Variants in SYT1 observed in about 807,000 individuals in gnomAD.
The protein encoded by SYT1 is synaptotagmin-1.
Under a neutral mutation model 44.8 loss-of-function variants are expected in SYT1, and 8 were observed. That is an observed-to-expected ratio of 0.18 (90% CI 0.10 to 0.32). The LOEUF is 0.32. Among genes scored for constraint, SYT1 ranks in the 10% least tolerant of loss-of-function variants. The pLI is 1.00. For missense variants in SYT1, 286 were observed against 509.3 expected (o/e 0.56, Z 4.22); for synonymous variants, 154 against 188.8 (o/e 0.82, Z 1.51).
At chr12:79,187,448 T>G (rs138410159) in intron 3 of SYT1, among the ~76,000 whole-genome samples, 186 of 152,192 alleles carry the variant, frequency 1.2e-3, no homozygotes, top group African/African-American at 4.3e-3. Flanking sequence ...TTTATGTCTA[T>G]CACTCAAATT....
intron 5 of SYT1, among the ~76,000 whole-genome samples, chr12:79,290,533 T>G (rs1045866310): frequency 2.6e-5 from 4 of 152,164 alleles, no homozygotes; most frequent in African/African-American, 9.7e-5. Flanking sequence ...TGGTTATACT[T>G]CTTGCATTTG....
chr12:78,932,154 T>G (rs568072784), intron 1 of SYT1, among the ~76,000 whole-genome samples: 3 of 152,356 alleles, frequency 2.0e-5, no homozygotes, highest in Admixed American at 6.5e-5. Context: ...ATTCTTCCCC[T>G]GAATCTGTAA....
intron 2 of SYT1, among the ~76,000 whole-genome samples, chr12:79,044,322 A>C (rs1262583698): frequency 6.6e-6 from 1 of 152,008 alleles, no homozygotes; most frequent in Non-Finnish European, 1.5e-5. Flanking sequence ...AGCTTTGCTC[A>C]TTTCTTTTTA....
chr12:79,044,492 A>C (rs2137747975), intron 2 of SYT1, among the ~76,000 whole-genome samples: 1 of 146,710 alleles, frequency 6.8e-6, no homozygotes, highest in East Asian at 2.0e-4. Flanking sequence ...TCCTTTAAGC[A>C]CTTCTCTGTA....
intron 3 of SYT1, among the ~76,000 whole-genome samples, chr12:79,216,930 T>C (rs1874842252): frequency 6.6e-6 from 1 of 152,022 alleles, no homozygotes; most frequent in Non-Finnish European, 1.5e-5. Flanking sequence ...GTGACTGGGG[T>C]GAAAACTTAC....
At chr12:79,118,474 G>C (rs1879419740) in intron 3 of SYT1, among the ~76,000 whole-genome samples, 1 of 152,112 alleles carries the variant, frequency 6.6e-6, no homozygotes, top group Non-Finnish European at 1.5e-5. Context: ...TGCTAATCTT[G>C]ATGTAAAAAC....
At chr12:79,375,822 G>A (rs973369044) in intron 9 of SYT1, among the ~76,000 whole-genome samples, 6 of 152,026 alleles carry the variant, frequency 3.9e-5, no homozygotes, top group South Asian at 2.1e-4. Context: ...CTAGCAGGGC[G>A]CCTGACTCAA....
At chr12:79,040,443 G>A (rs941569157) in intron 2 of SYT1, among the ~76,000 whole-genome samples, 1 of 152,032 alleles carries the variant, frequency 6.6e-6, no homozygotes, top group Non-Finnish European at 1.5e-5. Flanking sequence ...GTCTGTTCAT[G>A]TCCTTCACCC....
intron 3 of SYT1, among the ~76,000 whole-genome samples, chr12:79,200,523 A>G (rs1873719831): frequency 6.6e-6 from 1 of 152,144 alleles, no homozygotes; most frequent in South Asian, 2.1e-4. Context: ...GGTATGAAAG[A>G]GTAAGAATAG....
At chr12:79,405,885 G>A (rs903360752) in intron 9 of SYT1, among the ~76,000 whole-genome samples, 13 of 152,014 alleles carry the variant, frequency 8.6e-5, no homozygotes, top group Non-Finnish European at 1.9e-4. Flanking sequence ...TACCAGTAAA[G>A]CAAAGGGTTT....
At chr12:79,134,848 G>A (rs1230534993) in intron 3 of SYT1, among the ~76,000 whole-genome samples, 3 of 152,020 alleles carry the variant, frequency 2.0e-5, no homozygotes, top group Non-Finnish European at 4.4e-5. Flanking sequence ...ATAAGGAGAT[G>A]TTGGTCTAAG....
chr12:79,160,707 G>T (rs887796271), intron 3 of SYT1, among the ~76,000 whole-genome samples: 1 of 152,138 alleles, frequency 6.6e-6, no homozygotes, highest in East Asian at 1.9e-4. Flanking sequence ...AGTTGAAAAT[G>T]TGGTCTATAT....
intron 1 of SYT1, among the ~76,000 whole-genome samples, chr12:78,975,880 G>GA (rs1868794388): frequency 6.6e-6 from 1 of 151,984 alleles, no homozygotes; most frequent in South Asian, 2.1e-4. Flanking sequence ...AATCATTGTT[G>GA]AAAAAAATTC....
chr12:79,326,602 G>A (rs1024832718), intron 8 of SYT1, among the ~76,000 whole-genome samples: 1 of 152,178 alleles, frequency 6.6e-6, no homozygotes, highest in South Asian at 2.1e-4. Flanking sequence ...GGCTCTCCAT[G>A]TTTGGAAATG....
chr12:78,960,384 T>G (rs1021412627), intron 1 of SYT1: 2 of 152,208 alleles, frequency 1.3e-5, no homozygotes, highest in African/African-American at 2.4e-5. Flanking sequence ...GTAAATATGT[T>G]TATAATTTGG....
At chr12:79,163,537 A>G (rs1337852247) in intron 3 of SYT1, among the ~76,000 whole-genome samples, 1 of 152,118 alleles carries the variant, frequency 6.6e-6, no homozygotes, top group Non-Finnish European at 1.5e-5. Flanking sequence ...GAAGGACTTC[A>G]CAGCCAAGGA....
At chr12:78,876,898 T>TATATGTATTATATATAATACGTATA (rs1565697970) in intron 1 of SYT1, among the ~76,000 whole-genome samples, 3,266 of 16,790 alleles carry the variant, frequency 0.19, 302 homozygotes, top group African/African-American at 0.38. Flanking sequence ...TAATATATAT[T>TATATGTATTATATATAATACGTATA]ATATATTATA....
At chr12:79,011,731 G>C (rs558303894) in intron 2 of SYT1, among the ~76,000 whole-genome samples, 180 of 149,898 alleles carry the variant, frequency 1.2e-3, no homozygotes, top group African/African-American at 4.4e-3. Flanking sequence ...TCTGGGAGTA[G>C]ATCCTGGGAA....
chr12:79,107,794 T>C (rs1054692340), intron 3 of SYT1, among the ~76,000 whole-genome samples: 2 of 151,884 alleles, frequency 1.3e-5, no homozygotes, highest in Non-Finnish European at 2.9e-5. Context: ...AAGATGGAAA[T>C]AATTTATTAT....
Sources: gnomAD v4.1 joint callset for allele counts (sites outside exome capture counted in the v4.1 genomes callset) on GRCh38, gnomAD v4.1.1 for gene constraint, MANE v1.5 for transcripts, NCBI Gene and HGNC (gene_info 2026-07-23, HGNC 2026-07-21) for gene names.